Variants in DLG2 observed in about 807,000 individuals in gnomAD.
DLG2 encodes the protein discs large MAGUK scaffold protein 2.
In DLG2, 45 loss-of-function variants were observed where a neutral mutation model predicts 132.5. The observed-to-expected ratio is 0.34, with a 90% CI of 0.27 to 0.44. The LOEUF (loss-of-function observed/expected upper bound fraction) is 0.44. Among genes scored for constraint, DLG2 ranks in the 20% least tolerant of loss-of-function variants. DLG2 has a pLI of 1.00. For synonymous variants in DLG2, 424 were observed against 419.6 expected (o/e 1.01, Z -0.13); for missense variants, 1,045 against 1,196.9 (o/e 0.87, Z 1.87).
At chr11:83,736,739 A>G (rs2153709830) in intron 18 of DLG2, among the ~76,000 whole-genome samples, 1 of 152,310 alleles carries the variant, frequency 6.6e-6, no homozygotes. Flanking sequence ...GAATAAGAAG[A>G]AGAAGAAAAA....
intron 6 of DLG2, among the ~76,000 whole-genome samples, chr11:84,552,503 A>C (rs953143731): frequency 6.6e-6 from 1 of 151,970 alleles, no homozygotes; most frequent in African/African-American, 2.4e-5. Context: ...AGGAGCCTCC[A>C]TAATTTATTC....
At chr11:84,500,463 G>C (rs1016608734) in intron 7 of DLG2, among the ~76,000 whole-genome samples, 1 of 152,090 alleles carries the variant, frequency 6.6e-6, no homozygotes, top group Non-Finnish European at 1.5e-5. Flanking sequence ...ATAAAACTAG[G>C]TTCAACCACA....
chr11:84,971,519 G>C (rs949097066), intron 6 of DLG2, among the ~76,000 whole-genome samples: 1 of 152,138 alleles, frequency 6.6e-6, no homozygotes, highest in Non-Finnish European at 1.5e-5. Flanking sequence ...AGGAGAAAAT[G>C]AGTCCTTTTC....
intron 18 of DLG2, among the ~76,000 whole-genome samples, chr11:83,633,740 CTA>C (rs2064008103): frequency 1.4e-5 from 1 of 71,028 alleles, no homozygotes. Context: ...TTACACAGAA[CTA>C]AACACACACA....
chr11:84,359,152 A>G (rs982776059), intron 7 of DLG2, among the ~76,000 whole-genome samples: 1 of 151,938 alleles, frequency 6.6e-6, no homozygotes, highest in Non-Finnish European at 1.5e-5. Flanking sequence ...CCTAGACTGA[A>G]TAAGCCTTTA....
At chr11:84,275,221 T>C (rs530366307) in intron 7 of DLG2, among the ~76,000 whole-genome samples, 2 of 152,280 alleles carry the variant, frequency 1.3e-5, no homozygotes, top group Non-Finnish European at 2.9e-5. Flanking sequence ...TTCTCTTTAG[T>C]TTTTGGGGAA....
At chr11:84,296,154 G>C (rs1004181538) in intron 7 of DLG2, among the ~76,000 whole-genome samples, 3 of 151,890 alleles carry the variant, frequency 2.0e-5, no homozygotes, top group Non-Finnish European at 4.4e-5. Context: ...TCTTAAAATC[G>C]AACTGAAATT....
chr11:85,550,980 T>C (rs1432204218), intron 3 of DLG2, among the ~76,000 whole-genome samples: 1 of 152,066 alleles, frequency 6.6e-6, no homozygotes, highest in East Asian at 1.9e-4. Flanking sequence ...AGAAAGAAAA[T>C]ACAGAAATAG....
intron 3 of DLG2, among the ~76,000 whole-genome samples, chr11:85,508,624 T>G (rs2093988771): frequency 6.6e-6 from 1 of 152,060 alleles, no homozygotes; most frequent in Non-Finnish European, 1.5e-5. Flanking sequence ...TATCTCTAGT[T>G]TCTAGAACAA....
At chr11:83,546,107 G>A (rs2096236048) in intron 19 of DLG2, among the ~76,000 whole-genome samples, 1 of 152,098 alleles carries the variant, frequency 6.6e-6, no homozygotes, top group Admixed American at 6.6e-5. Flanking sequence ...ATTTCAATGT[G>A]TGGTGGCCCC....
At chr11:84,844,156 TA>T (rs2081169213) in intron 6 of DLG2, among the ~76,000 whole-genome samples, 1 of 126,518 alleles carries the variant, frequency 7.9e-6, no homozygotes, top group African/African-American at 2.9e-5. Context: ...TATATATATA[TA>T]TATATATATA....
intron 11 of DLG2, among the ~76,000 whole-genome samples, chr11:84,050,441 G>A (rs2096348268): frequency 6.6e-6 from 1 of 151,692 alleles, no homozygotes; most frequent in Admixed American, 6.6e-5. Flanking sequence ...TGAGTAGATT[G>A]CAAAATTTTT....
intron 25 of DLG2, among the ~76,000 whole-genome samples, chr11:83,468,022 C>T (rs991061357): frequency 2.6e-5 from 4 of 151,836 alleles, no homozygotes; most frequent in Non-Finnish European, 5.9e-5. Flanking sequence ...CTTTATAAAG[C>T]ATTTCTGGAT....
intron 11 of DLG2, among the ~76,000 whole-genome samples, chr11:84,034,470 T>C (rs1010087774): frequency 5.3e-5 from 8 of 152,182 alleles, no homozygotes; most frequent in Non-Finnish European, 8.8e-5. Flanking sequence ...GGTATGCATA[T>C]ATAAATTTTT....
At position 83,791,175 on chromosome 11, in the gene DLG2, T is replaced by C; in HGVS notation, c.1723-4383A>G. ...GGTCGAAGAGGCCATGGCATGGGACTGCAGTGATGGCTGCGGAGGGAGGTG... is the reference window on the plus strand; with the variant it reads ...GGTCGAAGAGGCCATGGCATGGGACCGCAGTGATGGCTGCGGAGGGAGGTG... On this transcript the variant is annotated intron_variant, in intron 17 of 27. Transcript: ENST00000376104. 4.7e-6 allele frequency: 3 copies of C among 641,822 alleles called. No homozygotes were observed. In the Admixed American group the frequency reaches 7.6e-5, roughly 16 times the overall value. The allele number at this position is 641,822 out of a possible 1,614,324, so 39.8% of individuals were successfully genotyped here.
At chr11:84,726,269 C>T (rs911999244) in intron 6 of DLG2, among the ~76,000 whole-genome samples, 2 of 152,120 alleles carry the variant, frequency 1.3e-5, no homozygotes, top group Admixed American at 6.6e-5. Flanking sequence ...TCCCATACCC[C>T]CTACCCCCAG....
chr11:85,192,093 C>T (rs1273561799), intron 4 of DLG2, among the ~76,000 whole-genome samples: 2 of 152,144 alleles, frequency 1.3e-5, no homozygotes, highest in Admixed American at 1.3e-4. Flanking sequence ...AATTTACACG[C>T]TTATCATGGT....
chr11:84,097,757 T>C (rs759235198), intron 10 of DLG2, among the ~76,000 whole-genome samples: 1 of 152,198 alleles, frequency 6.6e-6, no homozygotes, highest in Non-Finnish European at 1.5e-5. Context: ...ATGTAACTGC[T>C]TGGCCTGAGG....
chr11:84,195,992 A>G (rs2096509012), intron 8 of DLG2, among the ~76,000 whole-genome samples: 1 of 152,238 alleles, frequency 6.6e-6, no homozygotes, highest in South Asian at 2.1e-4. Flanking sequence ...GGAAATAAAG[A>G]AAACAAGTGC....
Sources: allele counts gnomAD v4.1 joint callset (sites outside exome capture counted in the v4.1 genomes callset), GRCh38; gene constraint gnomAD v4.1.1; transcripts MANE v1.5; gene names NCBI Gene and HGNC (gene_info 2026-07-23, HGNC 2026-07-21).